SCFD2: variants seen among roughly 807,000 people sequenced by gnomAD.
SCFD2 encodes sec1 family domain-containing protein 2.
SCFD2 carries 54 observed loss-of-function variants against 58.9 expected under a neutral mutation model. The ratio of observed to expected loss-of-function variants is 0.92; its 90% CI spans 0.74 to 1.15. The LOEUF (loss-of-function observed/expected upper bound fraction) is 1.15, where lower values mean the gene tolerates loss of function less well. SCFD2 is among the 50% of genes most tolerant of loss of function. The pLI, the probability that SCFD2 is intolerant of heterozygous loss-of-function variation, is 0.00. For missense variants in SCFD2, 805 were observed against 836.6 expected (o/e 0.96, Z 0.47); for synonymous variants, 321 against 335.9 (o/e 0.96, Z 0.49).
At chr4:53,327,284 G>C (rs1733233619) in intron 2 of SCFD2, among the ~76,000 whole-genome samples, 2 of 152,128 alleles carry the variant, frequency 1.3e-5, no homozygotes, top group African/African-American at 4.8e-5. Context: ...ACCAGATTGA[G>C]GGGACATCCA....
At chr4:53,243,682 A>G (rs897593751) in intron 4 of SCFD2, among the ~76,000 whole-genome samples, 1 of 151,498 alleles carries the variant, frequency 6.6e-6, no homozygotes, top group African/African-American at 2.4e-5. Context: ...GGCACAAAGT[A>G]GCAAGCTGGA....
At chr4:52,903,934 G>A (rs1441376588) in intron 7 of SCFD2, among the ~76,000 whole-genome samples, 1 of 152,202 alleles carries the variant, frequency 6.6e-6, no homozygotes, top group African/African-American at 2.4e-5. Context: ...AACAGTGTAT[G>A]AGTGCAGCTA....
chr4:53,120,029 T>TACAC (rs1258161641), intron 5 of SCFD2, among the ~76,000 whole-genome samples: 33 of 152,336 alleles, frequency 2.2e-4, no homozygotes, highest in Middle Eastern at 6.8e-3. Context: ...GGTTCTTGTT[T>TACAC]CACCAAATCC....
chr4:53,309,864 T>C (rs528539867), intron 3 of SCFD2, among the ~76,000 whole-genome samples: 2 of 152,212 alleles, frequency 1.3e-5, no homozygotes, highest in Non-Finnish European at 2.9e-5. Context: ...GTTTGCTTGA[T>C]AGTCATAACT....
chr4:53,302,340 TC>T (rs1195814784), intron 3 of SCFD2, among the ~76,000 whole-genome samples: 1 of 152,156 alleles, frequency 6.6e-6, no homozygotes, highest in Non-Finnish European at 1.5e-5. Flanking sequence ...ATCAGTGAAT[TC>T]CCATTCACAA....
chr4:52,994,657 C>T (rs770351643), intron 5 of SCFD2, among the ~76,000 whole-genome samples: 3 of 152,182 alleles, frequency 2.0e-5, no homozygotes, highest in Non-Finnish European at 4.4e-5. Flanking sequence ...CTCCACTCGA[C>T]AGATATACCA....
intron 4 of SCFD2, among the ~76,000 whole-genome samples, chr4:53,258,230 G>A (rs1472776929): frequency 6.6e-6 from 1 of 151,974 alleles, no homozygotes; most frequent in Non-Finnish European, 1.5e-5. Context: ...ACATTAATAA[G>A]TTCTTTACCA....
At chr4:53,012,228 C>G (rs919611797) in intron 5 of SCFD2, among the ~76,000 whole-genome samples, 10 of 152,170 alleles carry the variant, frequency 6.6e-5, no homozygotes, top group African/African-American at 2.4e-4. Context: ...ACAAGAGATT[C>G]CAAACCGTGA....
chr4:53,310,848 C>T (rs75130501), intron 3 of SCFD2, among the ~76,000 whole-genome samples: 2,116 of 152,136 alleles, frequency 0.014, 64 homozygotes, highest in African/African-American at 0.048. Context: ...GATCCCTCCC[C>T]ATAAATTTAA....
intron 5 of SCFD2, among the ~76,000 whole-genome samples, chr4:53,061,098 G>C (rs534619444): frequency 3.9e-5 from 6 of 152,050 alleles, no homozygotes; most frequent in Non-Finnish European, 8.8e-5. Context: ...TTTAAAATAT[G>C]CCACAATTTT....
chr4:53,238,159 G>A (rs1160074793), intron 4 of SCFD2, among the ~76,000 whole-genome samples: 1 of 141,620 alleles, frequency 7.1e-6, no homozygotes, highest in Non-Finnish European at 1.6e-5. Context: ...TCCCAGACGG[G>A]GTGGCTGGCC....
intron 2 of SCFD2, among the ~76,000 whole-genome samples, chr4:53,347,533 T>A (rs73816161): frequency 6.7e-6 from 1 of 149,974 alleles, no homozygotes; most frequent in Non-Finnish European, 1.5e-5. Flanking sequence ...GAAAAAAAAA[T>A]GAAATAGGGA....
intron 3 of SCFD2, among the ~76,000 whole-genome samples, chr4:53,292,959 C>A (rs908488185): frequency 2.6e-5 from 4 of 152,154 alleles, no homozygotes; most frequent in African/African-American, 7.2e-5. Context: ...ATAGGTGGAG[C>A]AAACCACCAT....
At chr4:52,923,791 C>T (rs546305703) in intron 5 of SCFD2, among the ~76,000 whole-genome samples, 1 of 152,288 alleles carries the variant, frequency 6.6e-6, no homozygotes. Flanking sequence ...GGTATCACAG[C>T]GTGTTTGCTG....
At chr4:53,162,794 A>G (rs1012167809) in intron 4 of SCFD2, among the ~76,000 whole-genome samples, 6 of 151,988 alleles carry the variant, frequency 3.9e-5, no homozygotes. Context: ...GCACATGTAT[A>G]CATACGTAAC....
At chr4:53,364,183 T>C (rs1734631816) in intron 1 of SCFD2, among the ~76,000 whole-genome samples, 2 of 152,220 alleles carry the variant, frequency 1.3e-5, no homozygotes, top group African/African-American at 2.4e-5. Flanking sequence ...TATTACCATT[T>C]AGCCTACTTT....
At chr4:53,177,260 T>C (rs980690504) in intron 4 of SCFD2, among the ~76,000 whole-genome samples, 2 of 152,094 alleles carry the variant, frequency 1.3e-5, no homozygotes, top group African/African-American at 2.4e-5. Context: ...AGAGAGTTAG[T>C]TGAAGAAAGT....
intron 1 of SCFD2, among the ~76,000 whole-genome samples, chr4:53,357,830 T>C (rs565516764): frequency 2.6e-5 from 4 of 152,280 alleles, no homozygotes; most frequent in African/African-American, 9.6e-5. Flanking sequence ...CATATAATGA[T>C]CATCTCTACT....
chr4:53,260,128 G>C (rs13113985), intron 4 of SCFD2, among the ~76,000 whole-genome samples: 38,302 of 151,958 alleles, frequency 0.25, 5,288 homozygotes, highest in Non-Finnish European at 0.32. Context: ...GAGCTTTTTG[G>C]ATGAATCTTT....
Sources: gnomAD v4.1 joint callset for allele counts (sites outside exome capture counted in the v4.1 genomes callset) on GRCh38, gnomAD v4.1.1 for gene constraint, MANE v1.5 for transcripts, NCBI Gene and HGNC (gene_info 2026-07-23, HGNC 2026-07-21) for gene names.